MCC: variants seen among roughly 807,000 people sequenced by gnomAD.
MCC encodes the protein colorectal mutant cancer protein.
A neutral mutation model predicts 116.2 loss-of-function variants in MCC; 90 were observed. The ratio of observed to expected loss-of-function variants is 0.77; its 90% CI spans 0.65 to 0.92. MCC has a LOEUF of 0.92. Ranked by LOEUF, MCC falls within the 40% of genes least tolerant of loss-of-function variation. The pLI, the probability that MCC is intolerant of heterozygous loss-of-function variation, is 0.00. For synonymous variants in MCC, 578 were observed against 510.5 expected (o/e 1.13, Z -1.78); for missense variants, 1,516 against 1,312.2 (o/e 1.16, Z -2.40).
At chr5:113,228,871 T>C (rs1489689266) in intron 3 of MCC, among the ~76,000 whole-genome samples, 1 of 152,072 alleles carries the variant, frequency 6.6e-6, no homozygotes, top group Admixed American at 6.6e-5. Context: ...CTGTGGGGTA[T>C]GAAGAAGAAG....
intron 2 of MCC, among the ~76,000 whole-genome samples, chr5:113,373,753 T>C (rs1561542407): frequency 6.6e-6 from 1 of 152,250 alleles, no homozygotes; most frequent in South Asian, 2.1e-4. Context: ...GATACTGTCA[T>C]GTAATATCCT....
At chr5:113,302,702 G>GT (rs1468857150) in intron 3 of MCC, among the ~76,000 whole-genome samples, 2 of 152,154 alleles carry the variant, frequency 1.3e-5, no homozygotes, top group Non-Finnish European at 2.9e-5. Context: ...GAAACAAACT[G>GT]TAATGATGAA....
intron 1 of MCC, among the ~76,000 whole-genome samples, chr5:113,469,375 AT>A (rs1772013135): frequency 6.6e-6 from 1 of 151,938 alleles, no homozygotes; most frequent in South Asian, 2.1e-4. Flanking sequence ...AGATTCTGGT[AT>A]GTTGTGTCTT....
intron 2 of MCC, among the ~76,000 whole-genome samples, chr5:113,351,684 T>G (rs1768271718): frequency 6.6e-6 from 1 of 152,178 alleles, no homozygotes; most frequent in African/African-American, 2.4e-5. Flanking sequence ...TTAAAAATGA[T>G]GAAGAGAGTA....
At chr5:113,393,590 C>T (rs946030905) in intron 1 of MCC, among the ~76,000 whole-genome samples, 13 of 152,146 alleles carry the variant, frequency 8.5e-5, no homozygotes, top group African/African-American at 3.1e-4. Context: ...TTCTCAACAT[C>T]CTTCGAGAAA....
intron 4 of MCC, among the ~76,000 whole-genome samples, chr5:113,148,389 G>A (rs1759653146): frequency 6.6e-6 from 1 of 152,146 alleles, no homozygotes; most frequent in Non-Finnish European, 1.5e-5. Flanking sequence ...GATGTCATGA[G>A]CATAAATAAG....
At chr5:113,183,906 G>A (rs1406183523) in intron 3 of MCC, among the ~76,000 whole-genome samples, 2 of 138,316 alleles carry the variant, frequency 1.4e-5, no homozygotes, top group Admixed American at 1.5e-4. Flanking sequence ...TCCTCTGCCC[G>A]CCCCCACCCA....
intron 1 of MCC, among the ~76,000 whole-genome samples, chr5:113,442,428 CTT>C (rs1307577830): frequency 6.6e-6 from 1 of 151,944 alleles, no homozygotes; most frequent in Non-Finnish European, 1.5e-5. Context: ...ATTGCAAAAA[CTT>C]TCTCCTATTC....
chr5:113,198,430 C>G (rs1762521706), intron 3 of MCC, among the ~76,000 whole-genome samples: 1 of 151,438 alleles, frequency 6.6e-6, no homozygotes, highest in Admixed American at 6.6e-5. Context: ...CATGGTGGCA[C>G]ACACCTGTAA....
At chr5:113,182,484 C>T (rs1761675846) in intron 3 of MCC, among the ~76,000 whole-genome samples, 1 of 152,048 alleles carries the variant, frequency 6.6e-6, no homozygotes, top group African/African-American at 2.4e-5. Flanking sequence ...AAAGGCAAGA[C>T]TTTCAGGAGG....
intron 3 of MCC, among the ~76,000 whole-genome samples, chr5:113,209,325 T>C (rs796868411): frequency 7.9e-5 from 12 of 152,330 alleles, no homozygotes; most frequent in African/African-American, 2.9e-4. Flanking sequence ...CTCAAAATGT[T>C]ATTGCTCCCA....
rs1326784064 is a variant in MCC at position 113,145,777 on chromosome 5, CACACACAA to C, written c.742-2425_742-2418del. 2.5e-3 allele frequency among the ~76,000 whole-genome samples: 34 copies of C among 13,374 alleles called. 1 individual carries two copies. The highest frequency in any genetic ancestry group is 0.022 in the East Asian group (3 of 138). The allele number at this position is 13,374 out of a possible 152,430, so 8.8% of individuals were successfully genotyped here. ...ACACACACACACACACACACACACA[CACACACAA>C]ACACACACACACACACACACAAAAG... On this transcript the variant is annotated intron_variant, in intron 4 of 18. Coordinates refer to ENST00000408903, the MANE Select transcript of MCC (RefSeq NM_001085377.2).
chr5:113,298,638 G>A lies in MCC; in HGVS notation c.627+41881C>T, dbSNP rs188927787. Among the ~76,000 whole-genome samples the A allele has an allele frequency of 5.1e-3, 776 of 152,248 alleles. 6 individuals carry two copies. Among genetic ancestry groups the A allele is most frequent in the Non-Finnish European group, 6.1e-3 (415 of 68,008 alleles). ...AAAGTTCCTAAAAAGGGAGAAAAGG[G>A]GAGCAGGTGTCAAGGACAAAAACTA... On this transcript the variant is annotated intron_variant, in intron 3 of 18. Transcript: ENST00000408903.
At chr5:113,466,938 T>C (rs1356252903) in intron 1 of MCC, among the ~76,000 whole-genome samples, 3 of 152,396 alleles carry the variant, frequency 2.0e-5, no homozygotes, top group South Asian at 4.1e-4. Flanking sequence ...TGGCCAGTGA[T>C]GATGAGCACT....
chr5:113,123,365 G>A (rs564570081), intron 5 of MCC, among the ~76,000 whole-genome samples: 32 of 152,330 alleles, frequency 2.1e-4, no homozygotes, highest in Admixed American at 1.8e-3. Flanking sequence ...GCATGTATAA[G>A]AAAGACTAGG....
At chr5:113,363,088 G>C (rs1768587686) in intron 2 of MCC, among the ~76,000 whole-genome samples, 1 of 152,040 alleles carries the variant, frequency 6.6e-6, no homozygotes, top group African/African-American at 2.4e-5. Context: ...GGCCAGCCTG[G>C]CCAACACGGC....
At chr5:113,459,324 T>G (rs982325458) in intron 1 of MCC, among the ~76,000 whole-genome samples, 3 of 151,646 alleles carry the variant, frequency 2.0e-5, no homozygotes, top group Non-Finnish European at 4.4e-5. Context: ...GATCACGAGG[T>G]CAGGAGATCG....
intron 2 of MCC, among the ~76,000 whole-genome samples, chr5:113,352,239 C>T (rs983328000): frequency 6.6e-6 from 1 of 152,118 alleles, no homozygotes. Flanking sequence ...GTGATGATGT[C>T]ACTGAAAAAC....
intron 6 of MCC, among the ~76,000 whole-genome samples, chr5:113,114,441 G>A (rs1423634888): frequency 6.6e-6 from 1 of 152,218 alleles, no homozygotes; most frequent in Non-Finnish European, 1.5e-5. Flanking sequence ...ACAGGAGGCA[G>A]AGAAATTCTA....
Sources: gnomAD v4.1 joint callset for allele counts (sites outside exome capture counted in the v4.1 genomes callset) on GRCh38, gnomAD v4.1.1 for gene constraint, MANE v1.5 for transcripts, NCBI Gene and HGNC (gene_info 2026-07-23, HGNC 2026-07-21) for gene names.